Variants in ALG6 observed in about 807,000 individuals in gnomAD.
The protein encoded by ALG6 is dolichyl pyrophosphate Man9GlcNAc2 alpha-1,3-glucosyltransferase.
A neutral mutation model predicts 66.6 loss-of-function variants in ALG6; 46 were observed. The observed-to-expected ratio is 0.69, with a 90% confidence interval of 0.55 to 0.88. ALG6 has a LOEUF of 0.88. ALG6 is among the 40% of genes least tolerant of loss of function. The pLI is 0.00. For synonymous variants in ALG6, 185 were observed against 203.7 expected, an observed-to-expected ratio of 0.91 and a Z score of 0.78; for missense variants, 505 against 586.8, an observed-to-expected ratio of 0.86 and a Z score of 1.44.
At chr1:63,395,374 G>C (rs1648791267) in intron 2 of ALG6, among the ~76,000 whole-genome samples, 1 of 152,046 alleles carries the variant, frequency 6.6e-6, no homozygotes, top group African/African-American at 2.4e-5. Context: ...CCCTATACTT[G>C]ACCTTAAGTT....
chr1:63,412,329 T>G lies in ALG6; in HGVS notation c.816+268T>G, dbSNP rs1644521032. Among the ~76,000 whole-genome samples, 4 of 152,252 alleles carry G rather than the reference T, an allele frequency of 2.6e-5. No homozygotes were observed. In the South Asian group the frequency reaches 8.3e-4, roughly 32 times the overall value. The stretch of plus-strand genomic sequence containing the variant: ...CTCAAGTGATTCTCCTGCCTTTGCC[T>G]CCCAAGTAGCTGGGACAACAGGGTG... On this transcript the variant is annotated intron_variant, in intron 9 of 14. Transcript: ENST00000263440.
At chr1:63,429,760 T>TG (rs1173104638) in intron 14 of ALG6, 1 of 152,272 alleles carries the variant, frequency 6.6e-6, no homozygotes, top group African/African-American at 2.4e-5. Context: ...ACAGTCACAT[T>TG]GGGGGTTAGG....
chr1:63,425,202 T>A (rs1435008979), intron 12 of ALG6, among the ~76,000 whole-genome samples: 3 of 152,086 alleles, frequency 2.0e-5, no homozygotes, highest in African/African-American at 7.2e-5. Flanking sequence ...TTTGTTTGTT[T>A]AAGAGAGGAG....
At chr1:63,385,281 C>A (rs907155046) in intron 2 of ALG6, among the ~76,000 whole-genome samples, 5 of 144,086 alleles carry the variant, frequency 3.5e-5, no homozygotes, top group African/African-American at 1.3e-4. Context: ...CTCACGGCAA[C>A]CTCTACCTCC....
intron 3 of ALG6, among the ~76,000 whole-genome samples, chr1:63,399,298 T>C (rs1178657062): frequency 1.3e-5 from 2 of 152,204 alleles, no homozygotes; most frequent in Non-Finnish European, 2.9e-5. Context: ...GAATATTACA[T>C]GTACGTGAAA....
intron 9 of ALG6, chr1:63,413,629 C>A: frequency 6.0e-6 from 1 of 166,198 alleles, no homozygotes; most frequent in African/African-American, 2.4e-5. Flanking sequence ...TAGCAATTAG[C>A]TCTTGTCATT....
intron 13 of ALG6, 53 bp downstream of exon 13, chr1:63,428,854 T>G: frequency 6.3e-7 from 1 of 1,588,224 alleles, no homozygotes; most frequent in Non-Finnish European, 8.6e-7. Context: ...TAAACTAATT[T>G]AAAACTTTTT....
intron 1 of ALG6, among the ~76,000 whole-genome samples, chr1:63,368,514 T>TA (rs1377710745): frequency 8.8e-4 from 134 of 151,816 alleles, no homozygotes; most frequent in African/African-American, 3.1e-3. Flanking sequence ...TTTTTTTTTT[T>TA]AATTGAGACA....
At chr1:63,382,457 C>T (rs1303018415) in intron 2 of ALG6, among the ~76,000 whole-genome samples, 7 of 151,612 alleles carry the variant, frequency 4.6e-5, no homozygotes, top group South Asian at 2.1e-4. Context: ...CCCGCCTCAG[C>T]GCCCAGCTGA....
intron 10 of ALG6, 98 bp from the exon 11 acceptor site, chr1:63,415,775 A>C (rs1285193333): frequency 1.4e-5 from 10 of 693,790 alleles, no homozygotes. Context: ...TAAGTTGATA[A>C]ATAATATGAT....
intron 12 of ALG6, among the ~76,000 whole-genome samples, chr1:63,422,161 ATATAAC>A (rs1557594794): frequency 8.1e-6 from 1 of 124,130 alleles, no homozygotes; most frequent in East Asian, 2.1e-4. Flanking sequence ...ATAAATATAT[ATATAAC>A]TATGAATTTA....
At chr1:63,413,539 C>CAT in intron 9 of ALG6, 1 of 154,892 alleles carries the variant, frequency 6.5e-6, no homozygotes, top group Non-Finnish European at 1.4e-5. Context: ...CGGATTTCAC[C>CAT]ACCAGGAGAG....
intron 2 of ALG6, among the ~76,000 whole-genome samples, chr1:63,386,672 T>C (rs1241634824): frequency 1.3e-5 from 2 of 152,182 alleles, no homozygotes. Flanking sequence ...TCCTCTTTAA[T>C]CTCTGATTTT....
Position 63,370,806 on chromosome 1 carries a change from T to C in ALG6, c.-172T>C. On this transcript the variant is annotated 5_prime_UTR_variant, in exon 2 of 15. Coordinates refer to ENST00000263440, the MANE Select transcript of ALG6 (RefSeq NM_013339.4). ...CATAGACATAATCAAGTTTTGACTATTTGGAAACCAAGCATCATTAAAATT... is the reference window on the plus strand; with the variant it reads ...CATAGACATAATCAAGTTTTGACTACTTGGAAACCAAGCATCATTAAAATT... 1.5e-6 allele frequency: 1 copy of C among 646,738 alleles called. No homozygotes were observed. 40.1% of individuals were successfully genotyped at this position (646,738 alleles called of 1,614,324 possible). A position where few individuals can be genotyped will look rare whatever the true frequency, so the allele number is the denominator to read the frequency against.
At chr1:63,418,228 G>A (rs1045383072) in intron 11 of ALG6, among the ~76,000 whole-genome samples, 1 of 149,724 alleles carries the variant, frequency 6.7e-6, no homozygotes, top group African/African-American at 2.4e-5. Flanking sequence ...TTCTAGAGAA[G>A]GTTTCTATAG....
At chr1:63,382,653 T>G (rs1648359200) in intron 2 of ALG6, among the ~76,000 whole-genome samples, 1 of 20,050 alleles carries the variant, frequency 5.0e-5, no homozygotes, top group Non-Finnish European at 7.7e-5. Flanking sequence ...TTTTTTTTGT[T>G]TGTTTTTTTT....
intron 2 of ALG6, among the ~76,000 whole-genome samples, chr1:63,388,260 G>T (rs1320642577): frequency 6.6e-6 from 1 of 151,642 alleles, no homozygotes; most frequent in African/African-American, 2.4e-5. Context: ...CCGCCTTCCA[G>T]ACTCAGGTTG....
chr1:63,372,140 G>A (rs1647946678), intron 2 of ALG6, among the ~76,000 whole-genome samples: 1 of 152,140 alleles, frequency 6.6e-6, no homozygotes, highest in Non-Finnish European at 1.5e-5. Flanking sequence ...GTGTCACAGA[G>A]CATGGTTATT....
intron 2 of ALG6, among the ~76,000 whole-genome samples, chr1:63,378,304 G>A (rs768853353): frequency 2.0e-5 from 3 of 152,092 alleles, no homozygotes; most frequent in Admixed American, 1.3e-4. Context: ...TTTAATTTGT[G>A]TTGATGTTTG....
Sources: gnomAD v4.1 joint callset for allele counts (sites outside exome capture counted in the v4.1 genomes callset) on GRCh38, gnomAD v4.1.1 for gene constraint, MANE v1.5 for transcripts, NCBI Gene and HGNC (gene_info 2026-07-23, HGNC 2026-07-21) for gene names.